The following ZNF551 variants were observed in gnomAD, a reference collection of about 807,000 sequenced individuals.
ZNF551 encodes the protein zinc finger protein 551.
In ZNF551, 5 loss-of-function variants were observed where a neutral mutation model predicts 7.9. The observed-to-expected ratio is 0.63, with a 90% CI of 0.33 to 1.33. The LOEUF (loss-of-function observed/expected upper bound fraction) is 1.33, where lower values mean the gene tolerates loss of function less well. Among genes scored for constraint, ZNF551 ranks in the 40% most tolerant of loss-of-function variants. The probability of loss-of-function intolerance (pLI) is 0.05; values close to 1 mark genes in which losing one functional copy is unlikely to be tolerated. For missense variants in ZNF551, 788 were observed against 825.2 expected, an observed-to-expected ratio of 0.95 and a Z score of 0.55; for synonymous variants, 287 against 277.3, an observed-to-expected ratio of 1.03 and a Z score of -0.35.
Position 57,685,398 on chromosome 19 carries a change from C to A in ZNF551, c.205+13C>A, listed in dbSNP as rs1368078640. The A allele has an allele frequency of 6.2e-7, 1 of 1,614,046 alleles. No individual in the cohort carries two copies. Among genetic ancestry groups the A allele is most frequent in the East Asian group, 2.2e-5 (1 of 44,884 alleles). The stretch of plus-strand genomic sequence containing the variant: ...GTAACATCCCTGGGTAAGGCCCTAG[C>A]ATCCCTCCGAGTGTCTGCTTTTCTT... On this transcript the variant is annotated intron_variant, in intron 2 of 2. Coordinates refer to ENST00000282296, the MANE Select transcript of ZNF551 (RefSeq NM_138347.5).
In ZNF551 at chr19:57,688,253, C is replaced by T. The variant is rs547649876; in HGVS notation, c.1978C>T (p.Arg660Ter). Residue 660 changes from arginine (R) to a stop codon, truncating the protein, a stop_gained, in exon 3 of 3, where the codon CGA becomes TGA. Coordinates refer to ENST00000282296, the MANE Select transcript of ZNF551 (RefSeq NM_138347.5). LOFTEE classifies it low-confidence loss of function (END_TRUNC). ...KSFSRKSNLIRHRRVHTEERP is the reference protein window; with the variant it reads ...KSFSRKSNLI The stretch of plus-strand genomic sequence containing the variant: ...CTTTAGCCGCAAATCTAACCTCATT[C>T]GACATCGGAGAGTTCACACTGAAGA... 88 of 1,614,170 alleles carry T rather than the reference C, an allele frequency of 5.5e-5. No homozygotes were observed. The highest frequency in any genetic ancestry group is 6.4e-5 in the Non-Finnish European group (75 of 1,180,016).
intron 2 of ZNF551, among the ~76,000 whole-genome samples, chr19:57,685,962 G>T (rs575184869): frequency 1.3e-5 from 2 of 152,214 alleles, no homozygotes; most frequent in South Asian, 2.1e-4. Context: ...ACAATACTGT[G>T]CTGAATTGTT....
At position 57,688,334 on chromosome 19, in the gene ZNF551, G is replaced by C; in HGVS notation, c.*46G>C. The C allele has an allele frequency of 6.3e-7, 1 of 1,581,134 alleles. No homozygotes were observed. The highest frequency in any genetic ancestry group is 8.6e-7 in the Non-Finnish European group (1 of 1,161,342). ...TTCTTTATTCAGTATAATAGCACTG[G>C]AGGAGACTGTGGTAGCCATCTTCGT... is the stretch of plus-strand genomic sequence containing the variant. On this transcript the variant is annotated 3_prime_UTR_variant, in exon 3 of 3. Coordinates refer to ENST00000282296, the MANE Select transcript of ZNF551 (RefSeq NM_138347.5).
In ZNF551 at chr19:57,686,795, A is replaced by G. The variant is rs770249473; in HGVS notation, c.520A>G (p.Arg174Gly). Residue 174 changes from arginine to glycine, a missense_variant, in exon 3 of 3, where the codon AGA becomes GGA. Arg to Gly is a moderately radical substitution (Grantham distance 125). Coordinates refer to ENST00000282296, the MANE Select transcript of ZNF551 (RefSeq NM_138347.5). ...TGAGGCTACATTTGTGACCGGCTGCAGATTCCATGTGTTGAATTATTTCAC... is the reference window on the plus strand; with the variant it reads ...TGAGGCTACATTTGTGACCGGCTGCGGATTCCATGTGTTGAATTATTTCAC... ...VDEATFVTGC[R>G]FHVLNYFTCG... is the part of the protein sequence containing the mutation. 1 of 1,614,252 alleles carries G rather than the reference A, an allele frequency of 6.2e-7. No homozygotes were observed. The highest frequency in any genetic ancestry group is 1.7e-5 in the Admixed American group (1 of 60,036).
Position 57,687,851 on chromosome 19 carries a change from A to G in ZNF551, c.1576A>G (p.Thr526Ala). The change falls in exon 3 of 3, where the codon ACT becomes GCT. Residue 526 changes from threonine (T) to alanine (A), a missense_variant. By Grantham distance (58) the Thr-to-Ala change is moderately conservative (BLOSUM62 0). Transcript: ENST00000282296. ...SDLIQHRRIHTGTRPYECSEC... is the reference protein window; with the variant it reads ...SDLIQHRRIHAGTRPYECSEC... ...CCTCATTCAACACCGGAGAATTCAT[A>G]CTGGCACAAGACCTTATGAGTGCAG... 2 of 1,614,158 alleles carry G rather than the reference A, an allele frequency of 1.2e-6. No homozygotes were observed. The highest frequency in any genetic ancestry group is 1.7e-6 in the Non-Finnish European group (2 of 1,180,032).
At position 57,687,689 on chromosome 19, in the gene ZNF551, G is replaced by T; in HGVS notation, c.1414G>T (p.Asp472Tyr). 1 of 1,614,118 alleles carries T rather than the reference G, an allele frequency of 6.2e-7. No homozygotes were observed. Among genetic ancestry groups the T allele is most frequent in the South Asian group, 1.1e-5 (1 of 91,084 alleles). ...LIRHRSIHTGDRPYECSECEK... is the reference protein window; with the variant it reads ...LIRHRSIHTGYRPYECSECEK... ...TCGACACCGCAGCATTCACACTGGT[G>T]ATAGGCCTTATGAGTGCAGTGAATG... Residue 472 changes from aspartate to tyrosine, a missense_variant, in exon 3 of 3, where the codon GAT becomes TAT. Physicochemically the swap from Asp to Tyr is radical, Grantham distance 160. Transcript: ENST00000282296.
rs893535438 is a variant in ZNF551, at chr19:57,687,190, G to A, written c.915G>A (p.Arg305=). 1.2e-6 allele frequency: 2 copies of A among 1,613,944 alleles called. No homozygotes were observed. The highest frequency in any genetic ancestry group is 2.7e-5 in the African/African-American group (2 of 74,876). The part of the protein sequence containing the change: ...ILHKIIHTGE[R]PYECSDREKA... Reference sequence around the variant, plus strand: ...ACAAGATAATTCACACTGGAGAAAGGCCTTATGAATGCAGTGATCGTGAGA... The same window carrying A: ...ACAAGATAATTCACACTGGAGAAAGACCTTATGAATGCAGTGATCGTGAGA... Residue 305 remains arginine, a synonymous_variant, in exon 3 of 3, where the codon AGG becomes AGA. Transcript: ENST00000282296.
chr19:57,686,734 T>C lies in ZNF551; in HGVS notation c.459T>C (p.His153=), dbSNP rs1460967484. The C allele has an allele frequency of 1.2e-6, 2 of 1,614,006 alleles. No individual in the cohort carries two copies. Among genetic ancestry groups the C allele is most frequent in the Non-Finnish European group, 8.5e-7 (1 of 1,180,036 alleles). Residue 153 remains histidine, a synonymous_variant, in exon 3 of 3, where the codon CAT becomes CAC. Coordinates refer to ENST00000282296, the MANE Select transcript of ZNF551 (RefSeq NM_138347.5). The stretch of plus-strand genomic sequence containing the variant: ...CTGACCTTCACCAGCATCAAAAGCA[T>C]TACAATGAAGAAGAGCCCTGGAAAA... ...FSADLHQHQK[H]YNEEEPWKRK...
At chr19:57,684,359 G>C (rs1250807627) in intron 1 of ZNF551, among the ~76,000 whole-genome samples, 2 of 152,102 alleles carry the variant, frequency 1.3e-5, no homozygotes, top group South Asian at 2.1e-4. Context: ...AGAGAAGTGT[G>C]GTAGAGTATT....
chr19:57,687,247 C>T lies in ZNF551; in HGVS notation c.972C>T (p.His324=), dbSNP rs1310697262. 6.2e-7 allele frequency: 1 copy of T among 1,613,638 alleles called. No individual in the cohort carries two copies. Among genetic ancestry groups the T allele is most frequent in the Non-Finnish European group, 8.5e-7 (1 of 1,179,912 alleles). The change falls in exon 3 of 3, where the codon CAC becomes CAT. Residue 324 remains histidine (H), a synonymous_variant. Transcript: ENST00000282296. Reference sequence around the variant, plus strand: ...TTATCCATAAATCTGAATTCATTCACCACCAGAGACGTCACACTGGAGGAG... The same window carrying T: ...TTATCCATAAATCTGAATTCATTCATCACCAGAGACGTCACACTGGAGGAG... The part of the protein sequence containing the change: ...KAFIHKSEFI[H]HQRRHTGGVR...
intron 1 of ZNF551, among the ~76,000 whole-genome samples, chr19:57,683,799 A>T (rs1445672268): frequency 6.6e-6 from 1 of 152,138 alleles, no homozygotes; most frequent in Non-Finnish European, 1.5e-5. Flanking sequence ...CTCAGGGGTG[A>T]GTAGACATGA....
At chr19:57,683,967 G>C (rs118179129) in intron 1 of ZNF551, among the ~76,000 whole-genome samples, 4,343 of 152,232 alleles carry the variant, frequency 0.029, 83 homozygotes, top group Middle Eastern at 0.058. Flanking sequence ...TTGGCCATCT[G>C]TGGGACTCGA....
chr19:57,684,304 G>T (rs1338288237), intron 1 of ZNF551, among the ~76,000 whole-genome samples: 2 of 152,174 alleles, frequency 1.3e-5, no homozygotes, highest in Non-Finnish European at 2.9e-5. Flanking sequence ...AGATGCTCAT[G>T]GTATGAGGCA....
rs535631526 is a variant in ZNF551, at chr19:57,682,358, A to G, written c.81+114A>G. On this transcript the variant is annotated intron_variant, in intron 1 of 2. Coordinates refer to ENST00000282296, the MANE Select transcript of ZNF551 (RefSeq NM_138347.5). ...CCAGGCCCCAGTACCCTGGACAAGAAGGCGCTTGTGGATTGGACCCGTTTG... is the reference window on the plus strand; with the variant it reads ...CCAGGCCCCAGTACCCTGGACAAGAGGGCGCTTGTGGATTGGACCCGTTTG... The G allele has an allele frequency of 1.0e-5, 12 of 1,175,770 alleles. No homozygotes were observed. The Admixed American group carries it at 3.3e-4, about 33-fold the overall frequency. 72.8% of individuals were successfully genotyped at this position (1,175,770 alleles called of 1,614,324 possible).
chr19:57,683,620 G>C (rs535756480), intron 1 of ZNF551, among the ~76,000 whole-genome samples: 2 of 152,090 alleles, frequency 1.3e-5, no homozygotes, highest in African/African-American at 4.8e-5. Context: ...TAGAGGGGAA[G>C]CCTGCTCACA....
At chr19:57,683,633 GATA>G (rs1984458047) in intron 1 of ZNF551, among the ~76,000 whole-genome samples, 1 of 152,110 alleles carries the variant, frequency 6.6e-6, no homozygotes, top group South Asian at 2.1e-4. Context: ...TGCTCACAAT[GATA>G]ATAATAGTTG....
Position 57,687,431 on chromosome 19 carries a change from T to G in ZNF551, c.1156T>G (p.Ser386Ala), listed in dbSNP as rs1451314601. ...CCTTTTTCGACACCAGAGAGTTCAC[T>G]CTGGAGAAAGGCCTTATCAGTGCTG... ...SSLFRHQRVH[S>A]GERPYQCCEC... is the part of the protein sequence containing the mutation. Residue 386 changes from serine (S) to alanine (A), a missense_variant, in exon 3 of 3, where the codon TCT becomes GCT. Physicochemically the swap from Ser to Ala is moderately conservative, Grantham distance 99. Coordinates refer to ENST00000282296, the MANE Select transcript of ZNF551 (RefSeq NM_138347.5). The G allele has an allele frequency of 6.2e-7, 1 of 1,613,182 alleles. No homozygotes were observed. The highest frequency in any genetic ancestry group is 8.5e-7 in the Non-Finnish European group (1 of 1,179,772).
At position 57,686,701 on chromosome 19, in the gene ZNF551, C is replaced by T. The variant is rs1984566682; in HGVS notation, c.426C>T (p.Cys142=). The T allele has an allele frequency of 1.2e-6, 2 of 1,614,226 alleles. No homozygotes were observed. Among genetic ancestry groups the T allele is most frequent in the Non-Finnish European group, 1.7e-6 (2 of 1,180,046 alleles). Residue 142 remains cysteine, a synonymous_variant, in exon 3 of 3, where the codon TGC becomes TGT. Coordinates refer to ENST00000282296, the MANE Select transcript of ZNF551 (RefSeq NM_138347.5). ...GTAGCACAAGCATGAGAGGCTTCTG[C>T]TTCAGTGCTGACCTTCACCAGCATC... ...YLGSTSMRGF[C]FSADLHQHQK... is the part of the protein sequence containing the mutation.
Position 57,682,053 on chromosome 19 carries a change from G to A in ZNF551, c.-111G>A. ...GTCCAGCCCGCCAGTTTCTGCAGTGGAGGTCGCGACTGAGGGACGGGACAG... is the reference window on the plus strand; with the variant it reads ...GTCCAGCCCGCCAGTTTCTGCAGTGAAGGTCGCGACTGAGGGACGGGACAG... On this transcript the variant is annotated 5_prime_UTR_variant, in exon 1 of 3. Transcript: ENST00000282296. 8.7e-7 allele frequency: 1 copy of A among 1,150,196 alleles called. No individual in the cohort carries two copies. The highest frequency in any genetic ancestry group is 1.2e-6 in the Non-Finnish European group (1 of 816,312). The allele number at this position is 1,150,196 out of a possible 1,614,324, so 71.2% of individuals were successfully genotyped here. A position where few individuals can be genotyped will look rare whatever the true frequency, so the allele number is the denominator to read the frequency against.
Sources: gnomAD v4.1 joint callset for allele counts (sites outside exome capture counted in the v4.1 genomes callset) on GRCh38, gnomAD v4.1.1 for gene constraint, MANE v1.5 for transcripts, NCBI Gene and HGNC (gene_info 2026-07-23, HGNC 2026-07-21) for gene names.